Variants in MYO5C observed in about 807,000 individuals in gnomAD.
MYO5C encodes the protein myosin VC.
Under a neutral mutation model 235.7 loss-of-function variants are expected in MYO5C, and 194 were observed. The observed-to-expected ratio is 0.82, with a 90% CI of 0.73 to 0.93. The LOEUF is 0.93. MYO5C is among the 40% of genes least tolerant of loss of function. MYO5C has a pLI of 0.00. For missense variants in MYO5C, 2,038 were observed against 2,127.2 expected (o/e 0.96, Z 0.82); for synonymous variants, 707 against 754.8 (o/e 0.94, Z 1.04).
Position 52,218,572 on chromosome 15 carries a change from C to G in MYO5C, c.3901G>C (p.Glu1301Gln). ...TCCTGCCGGAAGTTACACTTGACTT[C>G]ACTTTCAGTTTCAAATTGTTTCTTC... ...HLKKQFETES[E>Q]VKCNFRQEAS... The change falls in exon 32 of 41, where the codon GAA becomes CAA. Residue 1301 changes from glutamate to glutamine, a missense_variant. Transcript: ENST00000261839. The G allele has an allele frequency of 1.2e-6, 2 of 1,614,234 alleles. No individual in the cohort carries two copies. The highest frequency in any genetic ancestry group is 1.7e-6 in the Non-Finnish European group (2 of 1,180,040).
rs187058392 is a variant in MYO5C at position 52,275,797 on chromosome 15, C to T, written c.450-79G>A. The T allele has an allele frequency of 2.9e-6, 4 of 1,385,964 alleles. No individual in the cohort carries two copies. The African/African-American group carries it at 4.3e-5, about 15-fold the overall frequency. The allele number at this position is 1,385,964 out of a possible 1,614,324, so 85.9% of individuals were successfully genotyped here. A position where few individuals can be genotyped will look rare whatever the true frequency, so the allele number is the denominator to read the frequency against. On this transcript the variant is annotated intron_variant, in intron 4 of 40. Transcript: ENST00000261839. ...ATGTGCTAATTAAGACAAATGTGGACAAGACAAAAGAGGGAAACTGTTTTG... is the reference window on the plus strand; with the variant it reads ...ATGTGCTAATTAAGACAAATGTGGATAAGACAAAAGAGGGAAACTGTTTTG...
In MYO5C at chr15:52,273,134, C is replaced by T. The variant is rs113477375; in HGVS notation, c.607-411G>A. ...AGGAGTTTGAGACCAGATGAGGCAA[C>T]ACAGTGAGACCCCCGTCTCTACAAA... is the stretch of plus-strand genomic sequence containing the variant. On this transcript the variant is annotated intron_variant, in intron 5 of 40. Coordinates refer to ENST00000261839, the MANE Select transcript of MYO5C (RefSeq NM_018728.4). 6.3e-3 allele frequency among the ~76,000 whole-genome samples: 965 copies of T among 152,208 alleles called. 8 individuals are homozygous for T. Among genetic ancestry groups the T allele is most frequent in the African/African-American group, 0.022 (912 of 41,520 alleles).
intron 1 of MYO5C, among the ~76,000 whole-genome samples, chr15:52,284,092 T>G (rs2037214151): frequency 6.6e-6 from 1 of 151,122 alleles, no homozygotes; most frequent in South Asian, 2.1e-4. Context: ...AAGGCAAATA[T>G]CAAAATATAA....
intron 22 of MYO5C, among the ~76,000 whole-genome samples, chr15:52,235,997 G>T (rs1360940707): frequency 1.3e-5 from 2 of 152,174 alleles, no homozygotes; most frequent in South Asian, 4.1e-4. Flanking sequence ...AGCAATGACT[G>T]AAACAAGGAG....
intron 1 of MYO5C, among the ~76,000 whole-genome samples, chr15:52,288,251 C>T (rs144271904): frequency 3.3e-5 from 5 of 152,286 alleles, no homozygotes; most frequent in South Asian, 2.1e-4. Flanking sequence ...GTTTGAACTC[C>T]GTATTAGTTA....
At chr15:52,277,609 T>C (rs2037080785) in intron 4 of MYO5C, among the ~76,000 whole-genome samples, 1 of 152,068 alleles carries the variant, frequency 6.6e-6, no homozygotes, top group African/African-American at 2.4e-5. Flanking sequence ...TAGAAGTGCT[T>C]TGTGGGGCTT....
At chr15:52,287,456 A>T (rs1371921264) in intron 1 of MYO5C, among the ~76,000 whole-genome samples, 1 of 152,232 alleles carries the variant, frequency 6.6e-6, no homozygotes. Context: ...CTCATAAGAG[A>T]CACCTGAGAG....
In MYO5C at chr15:52,244,361, AG is replaced by A. The variant is rs772117930; in HGVS notation, c.2384del (p.Thr795MetfsTer2). On this transcript the variant is annotated frameshift_variant, in exon 19 of 41. Transcript: ENST00000261839. LOFTEE classifies it high-confidence loss of function. ...IIQQYFRGQQTVRKAITAVAL... is the reference protein window; with the variant it reads ...IIQQYFRGQQXVRKAITAVAL... Reference sequence around the variant, plus strand: ...GTTCCTTGATTCCAACATACCTCACAGTTTGCTGACCCCGGAAGTACTGCTG... The same window carrying A: ...GTTCCTTGATTCCAACATACCTCACATTTGCTGACCCCGGAAGTACTGCTG... The A allele has an allele frequency of 9.3e-6, 15 of 1,612,188 alleles. No individual in the cohort carries two copies. Among genetic ancestry groups the A allele is most frequent in the Admixed American group, 1.7e-5 (1 of 59,904 alleles).
chr15:52,268,150 G>C (rs1440380372), intron 8 of MYO5C, among the ~76,000 whole-genome samples: 1 of 152,124 alleles, frequency 6.6e-6, no homozygotes, highest in Non-Finnish European at 1.5e-5. Flanking sequence ...CCTATTCCTT[G>C]GATATGTTTA....
chr15:52,273,517 A>T (rs2140847537), intron 5 of MYO5C, among the ~76,000 whole-genome samples: 3 of 152,238 alleles, frequency 2.0e-5, no homozygotes, highest in Middle Eastern at 6.8e-3. Flanking sequence ...ACGAGGGTGG[A>T]GCCCCTGGGA....
chr15:52,295,662 G>C lies in MYO5C; in HGVS notation c.-26C>G. ...GGGCAGGAGGGGCCGGGGCCAGGCC[G>C]GGGCTGCCGAACGTGCGAGGCTCGG... On this transcript the variant is annotated 5_prime_UTR_variant, in exon 1 of 41. Transcript: ENST00000261839. 1.4e-6 allele frequency: 2 copies of C among 1,417,162 alleles called. No homozygotes were observed. The highest frequency in any genetic ancestry group is 3.0e-5 in the South Asian group (2 of 66,858). The allele number at this position is 1,417,162 out of a possible 1,614,324, so 87.8% of individuals were successfully genotyped here.
rs376459947 is a variant in MYO5C, at chr15:52,239,798, G to T, written c.2638C>A (p.Arg880=). 14 of 1,613,708 alleles carry T rather than the reference G, an allele frequency of 8.7e-6. No individual in the cohort carries two copies. The highest frequency in any genetic ancestry group is 3.3e-5 in the Admixed American group (2 of 59,966). The change falls in exon 21 of 41, where the codon CGA becomes AGA. Residue 880 remains arginine (R), a synonymous_variant. Coordinates refer to ENST00000261839, the MANE Select transcript of MYO5C (RefSeq NM_018728.4). ...LARRRFQSIR[R]FVLNIQLTYR... is the part of the protein sequence containing the mutation. ...GTAAGCTGAATATTAAGCACGAATC[G>T]TCGGATACTCTGGAATCTGCGTCTG...
intron 4 of MYO5C, among the ~76,000 whole-genome samples, chr15:52,276,761 C>T (rs903002042): frequency 3.3e-5 from 5 of 152,134 alleles, no homozygotes; most frequent in Admixed American, 1.3e-4. Flanking sequence ...GGAACATATG[C>T]GCTCTCTAAG....
At chr15:52,229,897 C>A (rs777881860) in intron 24 of MYO5C, among the ~76,000 whole-genome samples, 2 of 152,222 alleles carry the variant, frequency 1.3e-5, no homozygotes, top group Non-Finnish European at 2.9e-5. Context: ...AAAAGACACA[C>A]TGGGTTTTGG....
chr15:52,222,572 T>C (rs1191660771), intron 29 of MYO5C, among the ~76,000 whole-genome samples: 1 of 151,424 alleles, frequency 6.6e-6, no homozygotes, highest in African/African-American at 2.5e-5. Context: ...GAACCCTTAG[T>C]GCTCAGCTCT....
chr15:52,207,705 G>T (rs927299039), intron 36 of MYO5C, among the ~76,000 whole-genome samples: 3 of 152,126 alleles, frequency 2.0e-5, no homozygotes, highest in Non-Finnish European at 4.4e-5. Flanking sequence ...CAAAAACTGT[G>T]TGACAAGGGA....
Position 52,275,692 on chromosome 15 carries a change from A to G in MYO5C, c.476T>C (p.Val159Ala). Residue 159 changes from valine (V) to alanine (A), a missense_variant, in exon 5 of 41, where the codon GTA becomes GCA. Val to Ala is a moderately conservative substitution (Grantham distance 64). Transcript: ENST00000261839. ...ARNNRNQSIIVSGESGAGKTV... is the reference protein window; with the variant it reads ...ARNNRNQSIIASGESGAGKTV... ...CTTTCCAGCACCTGACTCCCCACTT[A>G]CAATTATGGACTGGTTTCTGTTGTT... is the stretch of plus-strand genomic sequence containing the variant. 4 of 1,614,174 alleles carry G rather than the reference A, an allele frequency of 2.5e-6. No homozygotes were observed. Among genetic ancestry groups the G allele is most frequent in the Non-Finnish European group, 3.4e-6 (4 of 1,180,026 alleles).
intron 9 of MYO5C, among the ~76,000 whole-genome samples, chr15:52,261,514 C>T (rs551463385): frequency 7.9e-5 from 12 of 152,234 alleles, no homozygotes; most frequent in Non-Finnish European, 1.8e-4. Flanking sequence ...TCCTGGGCCA[C>T]TTGTCAGAGT....
Position 52,246,953 on chromosome 15 carries a change from C to T in MYO5C, c.1943G>A (p.Arg648Gln), listed in dbSNP as rs774945164. The change falls in exon 16 of 41, where the codon CGA (arginine) becomes CAA (glutamine). Residue 648 changes from arginine to glutamine, a missense_variant. Transcript: ENST00000261839. ...CTTCTCATCATTTGGCTTGATGCAT[C>T]GAACGTAGTGGGGCGTCGTCGCATT... The part of the protein sequence containing the change: ...TLNATTPHYV[R>Q]CIKPNDEKLP... The T allele has an allele frequency of 8.7e-6, 14 of 1,613,920 alleles. No individual in the cohort carries two copies. Among genetic ancestry groups the T allele is most frequent in the South Asian group, 5.5e-5 (5 of 91,070 alleles).
Sources: gnomAD v4.1 joint callset for allele counts (sites outside exome capture counted in the v4.1 genomes callset) on GRCh38, gnomAD v4.1.1 for gene constraint, MANE v1.5 for transcripts, NCBI Gene and HGNC (gene_info 2026-07-23, HGNC 2026-07-21) for gene names.